Variants in IL7 observed in about 807,000 individuals in gnomAD.
The protein encoded by IL7 is interleukin 7, also known as interleukin-7.
A neutral mutation model predicts 21.6 loss-of-function variants in IL7; 3 were observed. The ratio of observed to expected loss-of-function variants is 0.14; its 90% CI spans 0.06 to 0.36. The LOEUF is 0.36. Ranked by LOEUF, IL7 falls within the 10% of genes least tolerant of loss-of-function variation. The pLI is 1.00. For synonymous variants in IL7, 62 were observed against 68.1 expected (o/e 0.91, Z 0.44); for missense variants, 175 against 200.2 (o/e 0.87, Z 0.76).
intron 3 of IL7, among the ~76,000 whole-genome samples, chr8:78,739,546 G>A (rs1371743083): frequency 1.3e-5 from 2 of 152,062 alleles, no homozygotes; most frequent in African/African-American, 4.8e-5. Flanking sequence ...ACAAAAATTA[G>A]TTGGGTGTGG....
chr8:78,789,043 C>T (rs1013008398), intron 2 of IL7, among the ~76,000 whole-genome samples: 1 of 152,128 alleles, frequency 6.6e-6, no homozygotes. Flanking sequence ...TAGCTACTCC[C>T]ATTTTGATTA....
chr8:78,691,854 C>T (rs1026771816), intron 3 of IL7, among the ~76,000 whole-genome samples: 3 of 152,004 alleles, frequency 2.0e-5, no homozygotes, highest in African/African-American at 7.2e-5. Flanking sequence ...TATCAGTACT[C>T]TTGATGTGTA....
intron 1 of IL7, among the ~76,000 whole-genome samples, chr8:78,800,929 G>T (rs185408780): frequency 1.3e-5 from 2 of 152,070 alleles, no homozygotes; most frequent in South Asian, 2.1e-4. Flanking sequence ...TGTTTTACTT[G>T]CTATGAGCAT....
chr8:78,722,717 A>G (rs987646431), intron 3 of IL7, among the ~76,000 whole-genome samples: 2 of 151,990 alleles, frequency 1.3e-5, no homozygotes, highest in Admixed American at 1.3e-4. Context: ...GAAGTTATAT[A>G]TGGTAGAGAA....
chr8:78,783,961 G>C (rs535844117), intron 2 of IL7, among the ~76,000 whole-genome samples: 20 of 152,302 alleles, frequency 1.3e-4, no homozygotes, highest in African/African-American at 4.8e-4. Flanking sequence ...TAGGTAAACT[G>C]CAAGTAAATA....
intron 3 of IL7, among the ~76,000 whole-genome samples, chr8:78,692,509 A>T (rs1464254987): frequency 6.6e-6 from 1 of 152,172 alleles, no homozygotes; most frequent in African/African-American, 2.4e-5. Context: ...CATGGTAGGT[A>T]ATATATAACA....
intron 3 of IL7, among the ~76,000 whole-genome samples, chr8:78,721,658 A>G (rs565774353): frequency 9.1e-4 from 139 of 152,158 alleles, no homozygotes; most frequent in African/African-American, 3.2e-3. Flanking sequence ...CAAATCAGCA[A>G]TCTTAAATTA....
At chr8:78,717,466 A>G (rs769574487), downstream of IL7, 2 of 1,590,174 alleles carry the variant, frequency 1.3e-6, no homozygotes, top group East Asian at 2.3e-5. Flanking sequence ...TTTGCTGTGA[A>G]TGTGGCATTC....
chr8:78,701,405 G>C (rs1810599500), intron 3 of IL7, among the ~76,000 whole-genome samples: 1 of 152,098 alleles, frequency 6.6e-6, no homozygotes, highest in Non-Finnish European at 1.5e-5. Context: ...TGATATAATG[G>C]GGTTTTCTAG....
intron 2 of IL7, among the ~76,000 whole-genome samples, chr8:78,786,065 A>G (rs1022242962): frequency 3.3e-5 from 5 of 152,204 alleles, no homozygotes; most frequent in Non-Finnish European, 7.3e-5. Context: ...GAGATTCCTC[A>G]TGTACATTGT....
chr8:78,774,867 AT>A (rs1387977533), intron 2 of IL7, among the ~76,000 whole-genome samples: 6 of 152,108 alleles, frequency 3.9e-5, no homozygotes, highest in African/African-American at 7.2e-5. Context: ...GTGAGTTTTC[AT>A]TTGTGAAAAT....
chr8:78,715,239 A>G (rs760905028), downstream of IL7: 19 of 1,613,784 alleles, frequency 1.2e-5, no homozygotes, highest in Non-Finnish European at 1.6e-5. Context: ...TCAAACCCCG[A>G]AATTCCACAC....
chr8:78,744,331 G>C (rs1811901255), intron 2 of IL7, among the ~76,000 whole-genome samples: 1 of 152,206 alleles, frequency 6.6e-6, no homozygotes. Flanking sequence ...AGGAGGGATG[G>C]CTCAGGGACC....
chr8:78,761,241 G>T (rs1317174258), intron 2 of IL7: 1 of 1,583,076 alleles, frequency 6.3e-7, no homozygotes, highest in African/African-American at 1.3e-5. Context: ...AAAAGCAGTT[G>T]TGGTGATCGA....
At chr8:78,730,402 C>T (rs905245846), downstream of IL7, among the ~76,000 whole-genome samples, 4 of 151,876 alleles carry the variant, frequency 2.6e-5, no homozygotes, top group African/African-American at 7.2e-5. Flanking sequence ...TCTTGTCCTA[C>T]GATATTTCCA....
At chr8:78,774,243 C>A (rs911824650) in intron 2 of IL7, among the ~76,000 whole-genome samples, 3 of 152,046 alleles carry the variant, frequency 2.0e-5, no homozygotes. Context: ...AACCCTGTAG[C>A]CTTGCCTCTT....
intron 3 of IL7, among the ~76,000 whole-genome samples, chr8:78,693,199 T>C (rs1326492295): frequency 2.6e-5 from 4 of 152,158 alleles, no homozygotes; most frequent in South Asian, 2.1e-4. Flanking sequence ...CATACGTGTT[T>C]ATGTGTCTTT....
intron 2 of IL7, chr8:78,762,229 C>G (rs551482903): frequency 6.3e-7 from 1 of 1,578,026 alleles, no homozygotes; most frequent in East Asian, 2.2e-5. Context: ...TTCTACAGAT[C>G]ATAGAGGTCT....
At chr8:78,753,440 A>C (rs1489729315) in intron 2 of IL7, among the ~76,000 whole-genome samples, 1 of 151,934 alleles carries the variant, frequency 6.6e-6, no homozygotes, top group Non-Finnish European at 1.5e-5. Flanking sequence ...TTTTCTTATA[A>C]ATTTGTTTAA....
Sources: gnomAD v4.1 joint callset for allele counts (sites outside exome capture counted in the v4.1 genomes callset) on GRCh38, gnomAD v4.1.1 for gene constraint, MANE v1.5 for transcripts, NCBI Gene and HGNC (gene_info 2026-07-23, HGNC 2026-07-21) for gene names.